SYNE3: variants seen among roughly 807,000 people sequenced by gnomAD.
SYNE3 encodes the protein nesprin-3.
A neutral mutation model predicts 111.2 loss-of-function variants in SYNE3; 100 were observed. The observed-to-expected ratio is 0.90, with a 90% CI of 0.77 to 1.06. The LOEUF (loss-of-function observed/expected upper bound fraction) is 1.06. Among genes scored for constraint, SYNE3 ranks in the 50% least tolerant of loss-of-function variants. SYNE3 has a pLI of 0.00. For missense variants in SYNE3, 1,160 were observed against 1,240.3 expected, an observed-to-expected ratio of 0.94 and a Z score of 0.97; for synonymous variants, 547 against 533.9, an observed-to-expected ratio of 1.02 and a Z score of -0.34.
chr14:95,467,683 C>T, intron 3 of SYNE3, 112 bp downstream of exon 3: 1 of 1,307,736 alleles, frequency 7.6e-7, no homozygotes, highest in Non-Finnish European at 1.1e-6. Flanking sequence ...ATATCCTGTC[C>T]CCCAGAATCC....
At chr14:95,477,579 G>C (rs942550637) in intron 1 of SYNE3, among the ~76,000 whole-genome samples, 4 of 152,156 alleles carry the variant, frequency 2.6e-5, no homozygotes, top group Admixed American at 6.5e-5. Flanking sequence ...AAGAAGCTTC[G>C]GGGAGAACCC....
chr14:95,482,891 C>T (rs541768846), intron 1 of SYNE3, among the ~76,000 whole-genome samples: 15 of 152,294 alleles, frequency 9.8e-5, no homozygotes, highest in African/African-American at 3.6e-4. Flanking sequence ...CCCAAAGTCA[C>T]CGGGATGCTA....
Position 95,449,963 on chromosome 14 carries a change from G to A in SYNE3, c.1417C>T (p.Pro473Ser), listed in dbSNP as rs1276749812. Residue 473 changes from proline (P) to serine (S), a missense_variant, in exon 8 of 18, where the codon CCT (proline) becomes TCT (serine). Transcript: ENST00000682763. The part of the protein sequence containing the change: ...LEVTASLPDL[P>S]SLHTFLPQIE... ...TGGGGCAGGAAGGTGTGAAGGGAAGGCAGGTCCGGCAGGCTGGCAGTGACC... is the reference window on the plus strand; with the variant it reads ...TGGGGCAGGAAGGTGTGAAGGGAAGACAGGTCCGGCAGGCTGGCAGTGACC... 5.1e-6 allele frequency: 8 copies of A among 1,554,612 alleles called. No individual in the cohort carries two copies. The highest frequency in any genetic ancestry group is 1.4e-5 in the African/African-American group (1 of 73,418).
rs900366558 is a variant in SYNE3 at position 95,439,520 on chromosome 14, C to T, written c.2246+92G>A. The T allele has an allele frequency of 3.3e-6, 5 of 1,536,042 alleles. No individual in the cohort carries two copies. The African/African-American group carries it at 6.8e-5, about 21-fold the overall frequency. On this transcript the variant is annotated intron_variant, in intron 13 of 17. Coordinates refer to ENST00000682763, the MANE Select transcript of SYNE3 (RefSeq NM_152592.6). ...GCCCCTGGCTCCACACTGGGCAGCA[C>T]CCTGGCCCTCTGCTCCACGAGCACC...
intron 17 of SYNE3, among the ~76,000 whole-genome samples, chr14:95,427,102 C>G (rs1885474808): frequency 6.6e-6 from 1 of 152,038 alleles, no homozygotes; most frequent in Admixed American, 6.5e-5. Flanking sequence ...CCAGGCCATA[C>G]AGAGATAGGA....
chr14:95,426,943 C>A (rs1031311231), intron 17 of SYNE3, among the ~76,000 whole-genome samples: 2,068 of 104,028 alleles, frequency 0.02, no homozygotes, highest in African/African-American at 0.035. Flanking sequence ...GACTCCATCT[C>A]AAAAAAAAAA....
Position 95,485,972 on chromosome 14 carries a change from A to G in SYNE3, c.-14-10137T>C, listed in dbSNP as rs967344637. ...GACAGAGGTGCAGACAGCAGCCTGC[A>G]CTCAAGGGGTACACTGCACCCCCAC... On this transcript the variant is annotated intron_variant, in intron 1 of 17. Coordinates refer to ENST00000682763, the MANE Select transcript of SYNE3 (RefSeq NM_152592.6). The surrounding 1 kb of genome is among the most constrained non-coding windows in gnomAD (Gnocchi z 4.3). Among the ~76,000 whole-genome samples, 4 of 152,012 alleles carry G rather than the reference A, an allele frequency of 2.6e-5. No homozygotes were observed. The highest frequency in any genetic ancestry group is 9.7e-5 in the African/African-American group (4 of 41,374).
chr14:95,484,314 G>T lies in SYNE3; in HGVS notation c.-14-8479C>A, dbSNP rs944280282. ...GAGATATGTTCCTAGGGCAGGGTGGGTGGCTCCAAGGGGTGGGGCCTTAGC... is the reference window on the plus strand; with the variant it reads ...GAGATATGTTCCTAGGGCAGGGTGGTTGGCTCCAAGGGGTGGGGCCTTAGC... On this transcript the variant is annotated intron_variant, in intron 1 of 17. Transcript: ENST00000682763. 5.9e-5 allele frequency among the ~76,000 whole-genome samples: 9 copies of T among 152,290 alleles called. No homozygotes were observed. The South Asian group carries it at 1.7e-3, about 28-fold the overall frequency.
chr14:95,432,007 A>T, intron 17 of SYNE3, 72 bp downstream of exon 17: 1 of 1,547,178 alleles, frequency 6.5e-7, no homozygotes, highest in Non-Finnish European at 8.8e-7. Context: ...GTCTTGCCCC[A>T]GTGTCACGGG....
At chr14:95,462,469 A>G (rs1207881799) in intron 4 of SYNE3, among the ~76,000 whole-genome samples, 1 of 152,222 alleles carries the variant, frequency 6.6e-6, no homozygotes, top group Non-Finnish European at 1.5e-5. Context: ...CCACATTGGC[A>G]TCAGCATTGA....
rs1886961446 is a variant in SYNE3, at chr14:95,449,939, G to GGGGCAGGAAGGTGTGAA, written c.1424_1440dup (p.Gln481PhefsTer12). The GGGGCAGGAAGGTGTGAA allele has an allele frequency of 6.4e-7, 1 of 1,553,514 alleles. No homozygotes were observed. The highest frequency in any genetic ancestry group is 1.4e-5 in the African/African-American group (1 of 73,186). On this transcript the variant is annotated frameshift_variant, in exon 8 of 18. Transcript: ENST00000682763. LOFTEE classifies it high-confidence loss of function. The stretch of plus-strand genomic sequence containing the variant: ...GGCAGGACCACGGTTACCTCGATCT[G>GGGGCAGGAAGGTGTGAA]GGGCAGGAAGGTGTGAAGGGAAGGC...
At chr14:95,491,562 A>G (rs1384097612) in intron 1 of SYNE3, among the ~76,000 whole-genome samples, 3 of 152,198 alleles carry the variant, frequency 2.0e-5, no homozygotes, top group Non-Finnish European at 2.9e-5. Context: ...CACACCGTAT[A>G]CTAAAATTAA....
chr14:95,474,043 G>A (rs10151611), intron 2 of SYNE3, among the ~76,000 whole-genome samples: 52,010 of 127,500 alleles, frequency 0.41, 5,761 homozygotes, highest in South Asian at 0.49. Flanking sequence ...GTGAGCTTGC[G>A]AGGTGTGACA....
intron 1 of SYNE3, among the ~76,000 whole-genome samples, chr14:95,494,720 C>T (rs534021154): frequency 3.9e-5 from 6 of 152,308 alleles, no homozygotes; most frequent in South Asian, 4.1e-4. Context: ...AAGCAGGGCC[C>T]TTGCAACAGG....
chr14:95,468,378 G>A (rs552417794), intron 2 of SYNE3, among the ~76,000 whole-genome samples: 13 of 152,268 alleles, frequency 8.5e-5, no homozygotes, highest in South Asian at 4.1e-4. Context: ...AGTGTGCAGC[G>A]TGAGCATCTA....
At chr14:95,430,745 A>C (rs1207165890) in intron 17 of SYNE3, among the ~76,000 whole-genome samples, 2 of 151,332 alleles carry the variant, frequency 1.3e-5, no homozygotes, top group African/African-American at 4.9e-5. Flanking sequence ...AATTGCTTGA[A>C]CCTGGGAGGC....
chr14:95,512,336 T>C (rs1890750231), intron 1 of SYNE3, among the ~76,000 whole-genome samples: 1 of 152,184 alleles, frequency 6.6e-6, no homozygotes, highest in East Asian at 1.9e-4. Flanking sequence ...AGATTATATA[T>C]ATATAATGGA....
intron 1 of SYNE3, among the ~76,000 whole-genome samples, chr14:95,496,424 C>A (rs530904867): frequency 1.3e-5 from 2 of 152,336 alleles, no homozygotes; most frequent in African/African-American, 4.8e-5. Flanking sequence ...GGAATCCACC[C>A]ATTTATGAAT....
chr14:95,431,396 T>C (rs941466513), intron 17 of SYNE3, among the ~76,000 whole-genome samples: 9 of 152,180 alleles, frequency 5.9e-5, no homozygotes, highest in African/African-American at 1.4e-4. Flanking sequence ...GCCTCCTAGG[T>C]GTCACTGGGA....
Sources: allele counts gnomAD v4.1 joint callset (sites outside exome capture counted in the v4.1 genomes callset), GRCh38; gene constraint gnomAD v4.1.1; non-coding constraint Gnocchi (gnomAD v3.1); transcripts MANE v1.5; gene names NCBI Gene and HGNC (gene_info 2026-07-23, HGNC 2026-07-21).